MACROD2: variants seen among roughly 807,000 people sequenced by gnomAD.
MACROD2 encodes ADP-ribose glycohydrolase MACROD2.
MACROD2 carries 36 observed loss-of-function variants against 70.4 expected under a neutral mutation model. The observed-to-expected ratio is 0.51, with a 90% CI of 0.39 to 0.68. MACROD2 has a LOEUF of 0.68. Ranked by LOEUF, MACROD2 falls within the 30% of genes least tolerant of loss-of-function variation. MACROD2 has a pLI of 0.00. For synonymous variants in MACROD2, 172 were observed against 178.8 expected, an observed-to-expected ratio of 0.96 and a Z score of 0.30; for missense variants, 496 against 538.4, an observed-to-expected ratio of 0.92 and a Z score of 0.78.
intron 3 of MACROD2, among the ~76,000 whole-genome samples, chr20:14,220,095 G>T (rs977403084): frequency 6.6e-6 from 1 of 152,146 alleles, no homozygotes; most frequent in African/African-American, 2.4e-5. Flanking sequence ...GAACAACCAA[G>T]TTTATATACC....
intron 5 of MACROD2, among the ~76,000 whole-genome samples, chr20:14,829,363 C>T (rs923505320): frequency 2.0e-4 from 31 of 151,744 alleles, no homozygotes; most frequent in African/African-American, 7.5e-4. Context: ...ATCTCCTGAC[C>T]TCGTGATCCA....
intron 5 of MACROD2, among the ~76,000 whole-genome samples, chr20:15,135,914 A>T (rs1405947810): frequency 6.6e-6 from 1 of 152,052 alleles, no homozygotes; most frequent in Non-Finnish European, 1.5e-5. Flanking sequence ...ATTCTTATAC[A>T]CCAAAAACAG....
rs569985107 is a variant in MACROD2, at chr20:14,278,315, G to T, written c.271+192587G>T. ...CATGCACGCACACACTGACAACACA[G>T]TCTTTGTTCACTTTGTTGCCAGTTG... On this transcript the variant is annotated intron_variant, in intron 3 of 17. Transcript: ENST00000684519. 3.3e-5 allele frequency among the ~76,000 whole-genome samples: 5 copies of T among 152,200 alleles called. No individual in the cohort carries two copies. The South Asian group carries it at 1.0e-3, about 32-fold the overall frequency.
intron 4 of MACROD2, among the ~76,000 whole-genome samples, chr20:14,593,513 GA>G (rs1242654656): frequency 6.6e-6 from 1 of 152,100 alleles, no homozygotes; most frequent in African/African-American, 2.4e-5. Flanking sequence ...GAATAACTAG[GA>G]TTGTGGCATC....
intron 5 of MACROD2, among the ~76,000 whole-genome samples, chr20:15,096,808 A>ATTTTTT (rs11479076): frequency 1.1e-5 from 1 of 93,662 alleles, no homozygotes; most frequent in Non-Finnish European, 2.0e-5. Context: ...CACTATGCTA[A>ATTTTTT]TTTTTTTTTT....
chr20:14,485,525 C>T (rs925974228), intron 3 of MACROD2, among the ~76,000 whole-genome samples: 1 of 151,980 alleles, frequency 6.6e-6, no homozygotes, highest in Non-Finnish European at 1.5e-5. Context: ...CACGGTGAAA[C>T]CCCGTCTCTA....
At chr20:15,670,521 C>T (rs951359869) in intron 8 of MACROD2, among the ~76,000 whole-genome samples, 5 of 152,102 alleles carry the variant, frequency 3.3e-5, no homozygotes, top group Non-Finnish European at 7.4e-5. Context: ...GCAAAAACCT[C>T]CTGATTGCCT....
rs376867407 is a variant in MACROD2, at chr20:14,629,075, A to G, written c.302-55768A>G. On this transcript the variant is annotated intron_variant, in intron 4 of 17. Coordinates refer to ENST00000684519, the MANE Select transcript of MACROD2 (RefSeq NM_001351661.2). ...CCATATGCATCACGGCCGTAGGAAA[A>G]TAGGCGTACCACTTGTCACTTCCCT... Among the ~76,000 whole-genome samples, 49 of 152,308 alleles carry G rather than the reference A, an allele frequency of 3.2e-4. No individual in the cohort carries two copies. The East Asian group carries it at 5.8e-3, about 18-fold the overall frequency.
intron 8 of MACROD2, among the ~76,000 whole-genome samples, chr20:15,824,140 T>C (rs2063971138): frequency 6.6e-6 from 1 of 152,192 alleles, no homozygotes; most frequent in Non-Finnish European, 1.5e-5. Flanking sequence ...AGCTTCCTGA[T>C]CAATTGTACA....
intron 5 of MACROD2, among the ~76,000 whole-genome samples, chr20:14,896,298 AAAAT>A (rs796738143): frequency 1.5e-4 from 23 of 152,338 alleles, no homozygotes; most frequent in African/African-American, 5.1e-4. Flanking sequence ...CTATCTCAAA[AAAAT>A]AAATAAATAA....
intron 5 of MACROD2, among the ~76,000 whole-genome samples, chr20:14,822,875 T>C (rs143421768): frequency 1.3e-3 from 195 of 152,230 alleles, no homozygotes; most frequent in African/African-American, 4.5e-3. Context: ...TTTCATTGTA[T>C]AGAATCTGGG....
chr20:15,661,342 A>T (rs567834296), intron 8 of MACROD2, among the ~76,000 whole-genome samples: 2 of 152,316 alleles, frequency 1.3e-5, no homozygotes, highest in Admixed American at 1.3e-4. Context: ...TCAGCCTCTG[A>T]TGAAGGCTTT....
rs187752465 is a variant in MACROD2, at chr20:15,299,678, A to G, written c.540+69617A>G. 1.1e-3 allele frequency among the ~76,000 whole-genome samples: 167 copies of G among 152,366 alleles called. 1 individual carries two copies. The highest frequency in any genetic ancestry group is 5.8e-3 in the Admixed American group (88 of 15,300). On this transcript the variant is annotated intron_variant, in intron 6 of 17. Transcript: ENST00000684519. Reference sequence around the variant, plus strand: ...CAATCAATACTGTCCTAATCCAGTCATATGCCTACTGATGCTTTATGTATA... The same window carrying G: ...CAATCAATACTGTCCTAATCCAGTCGTATGCCTACTGATGCTTTATGTATA...
At chr20:15,371,536 G>A (rs1878160948) in intron 6 of MACROD2, among the ~76,000 whole-genome samples, 3 of 152,174 alleles carry the variant, frequency 2.0e-5, no homozygotes, top group Admixed American at 2.0e-4. Flanking sequence ...AAAAGGAACT[G>A]ATAGATGACC....
intron 8 of MACROD2, among the ~76,000 whole-genome samples, chr20:15,527,345 A>G (rs2047735713): frequency 6.6e-6 from 1 of 152,222 alleles, no homozygotes; most frequent in Admixed American, 6.5e-5. Context: ...CAGCAACATA[A>G]TGTAATCTTA....
chr20:14,372,914 T>A (rs2083340299), intron 3 of MACROD2, among the ~76,000 whole-genome samples: 1 of 152,194 alleles, frequency 6.6e-6, no homozygotes, highest in Non-Finnish European at 1.5e-5. Context: ...TAACTGTGTG[T>A]CCCAGTGTGG....
At chr20:15,494,650 G>C (rs2146481184) in intron 7 of MACROD2, among the ~76,000 whole-genome samples, 1 of 152,044 alleles carries the variant, frequency 6.6e-6, no homozygotes. Context: ...TCAGAATAGT[G>C]GTTATTTTGA....
intron 5 of MACROD2, among the ~76,000 whole-genome samples, chr20:15,102,556 G>A (rs1305225689): frequency 6.6e-6 from 1 of 151,950 alleles, no homozygotes; most frequent in Non-Finnish European, 1.5e-5. Flanking sequence ...AGAAAAGAGT[G>A]GGAAGTATCA....
At chr20:14,560,296 CTG>C (rs1979337908) in intron 4 of MACROD2, among the ~76,000 whole-genome samples, 1 of 124,838 alleles carries the variant, frequency 8.0e-6, no homozygotes, top group African/African-American at 2.8e-5. Flanking sequence ...GAATGAATGA[CTG>C]TACTTAATGT....
Sources: allele counts gnomAD v4.1 joint callset (sites outside exome capture counted in the v4.1 genomes callset), GRCh38; gene constraint gnomAD v4.1.1; transcripts MANE v1.5; gene names NCBI Gene and HGNC (gene_info 2026-07-23, HGNC 2026-07-21).